The following WDR70 variants were observed in gnomAD, a reference collection of about 807,000 sequenced individuals.
WDR70 encodes WD repeat-containing protein 70.
A neutral mutation model predicts 88.6 loss-of-function variants in WDR70; 53 were observed. The observed-to-expected ratio is 0.60, with a 90% CI of 0.48 to 0.75. The LOEUF (loss-of-function observed/expected upper bound fraction) is 0.75, where lower values mean the gene tolerates loss of function less well. Among genes scored for constraint, WDR70 ranks in the 30% least tolerant of loss-of-function variants. The probability of loss-of-function intolerance (pLI) is 0.00; values close to 1 mark genes in which losing one functional copy is unlikely to be tolerated. For missense variants in WDR70, 610 were observed against 823.2 expected (o/e 0.74, Z 3.17); for synonymous variants, 280 against 270.0 (o/e 1.04, Z -0.36).
chr5:37,510,082 C>G (rs1462827782), intron 8 of WDR70, among the ~76,000 whole-genome samples: 1 of 150,554 alleles, frequency 6.6e-6, no homozygotes, highest in Admixed American at 6.6e-5. Context: ...AACACTCCCC[C>G]CCCCAAAAAA....
intron 6 of WDR70, among the ~76,000 whole-genome samples, chr5:37,439,023 T>C (rs943005420): frequency 4.6e-5 from 7 of 151,740 alleles, no homozygotes; most frequent in African/African-American, 1.7e-4. Flanking sequence ...GTTCATGCCA[T>C]TCTCCTGCCT....
At chr5:37,721,386 A>G in intron 14 of WDR70, 171 bp downstream of exon 14, 1 of 616,542 alleles carries the variant, frequency 1.6e-6, no homozygotes, top group Non-Finnish European at 2.8e-6. Flanking sequence ...TTTAAAAAGG[A>G]TTTGAATATT....
chr5:37,645,470 G>A (rs888798248), intron 10 of WDR70, among the ~76,000 whole-genome samples: 33 of 152,220 alleles, frequency 2.2e-4, no homozygotes, highest in Admixed American at 2.2e-3. Flanking sequence ...AAAATGTTCT[G>A]TAGATACCTG....
chr5:37,662,745 A>AT (rs1745736412), intron 10 of WDR70, among the ~76,000 whole-genome samples: 1 of 152,196 alleles, frequency 6.6e-6, no homozygotes, highest in South Asian at 2.1e-4. Context: ...TTAAAAATAA[A>AT]TGATCCTAAG....
At chr5:37,728,640 T>C (rs1245471725) in intron 17 of WDR70, among the ~76,000 whole-genome samples, 1 of 152,172 alleles carries the variant, frequency 6.6e-6, no homozygotes, top group Non-Finnish European at 1.5e-5. Context: ...GTTGTGTCCT[T>C]CTCAGTGGAT....
chr5:37,683,014 G>A (rs964982682), intron 10 of WDR70, among the ~76,000 whole-genome samples: 1 of 152,168 alleles, frequency 6.6e-6, no homozygotes, highest in Non-Finnish European at 1.5e-5. Flanking sequence ...GTGAATCTGG[G>A]TGCCCCTGTG....
At chr5:37,714,700 G>T (rs1747609649) in intron 13 of WDR70, among the ~76,000 whole-genome samples, 1 of 152,106 alleles carries the variant, frequency 6.6e-6, no homozygotes, top group Non-Finnish European at 1.5e-5. Flanking sequence ...ACCCACCTGG[G>T]TCACTCACCC....
intron 10 of WDR70, among the ~76,000 whole-genome samples, chr5:37,690,463 G>T (rs560829627): frequency 1.8e-4 from 28 of 152,316 alleles, no homozygotes; most frequent in African/African-American, 6.0e-4. Flanking sequence ...AAGAAAGAAA[G>T]ATCGGGTTAA....
intron 9 of WDR70, among the ~76,000 whole-genome samples, chr5:37,561,768 T>C (rs1742512000): frequency 6.6e-6 from 1 of 152,244 alleles, no homozygotes; most frequent in African/African-American, 2.4e-5. Context: ...GACTTACTGC[T>C]TTTTAGTAGT....
At chr5:37,720,297 C>G (rs868569761) in intron 13 of WDR70, among the ~76,000 whole-genome samples, 3 of 152,146 alleles carry the variant, frequency 2.0e-5, no homozygotes, top group Middle Eastern at 3.4e-3. Context: ...TCTATAGAAC[C>G]TAGTACATGG....
intron 10 of WDR70, among the ~76,000 whole-genome samples, chr5:37,607,975 A>C (rs1315125156): frequency 6.6e-6 from 1 of 151,538 alleles, no homozygotes; most frequent in Non-Finnish European, 1.5e-5. Context: ...GGGAGATGAC[A>C]TTGGAGCAGT....
chr5:37,493,558 AGT>A (rs1267074210), intron 8 of WDR70, among the ~76,000 whole-genome samples: 2 of 152,172 alleles, frequency 1.3e-5, no homozygotes, highest in Non-Finnish European at 2.9e-5. Flanking sequence ...AAAATAGTAC[AGT>A]TCTACTAACA....
intron 5 of WDR70, among the ~76,000 whole-genome samples, chr5:37,413,647 G>C (rs566626351): frequency 1.3e-5 from 2 of 151,620 alleles, no homozygotes; most frequent in Non-Finnish European, 2.9e-5. Context: ...TTTTGAACCA[G>C]GGAGGCGGAG....
intron 5 of WDR70, among the ~76,000 whole-genome samples, chr5:37,420,247 G>A (rs960145447): frequency 1.3e-5 from 2 of 152,070 alleles, no homozygotes; most frequent in South Asian, 2.1e-4. Flanking sequence ...ATTCTTAGAA[G>A]CAAGAATCAG....
chr5:37,436,815 T>C (rs187063718), intron 5 of WDR70, among the ~76,000 whole-genome samples: 183 of 150,546 alleles, frequency 1.2e-3, no homozygotes, highest in Non-Finnish European at 2.3e-3. Flanking sequence ...TTTGTTTATA[T>C]GCTGAAGAGA....
chr5:37,575,855 C>A (rs1743034716), intron 9 of WDR70, among the ~76,000 whole-genome samples: 1 of 152,166 alleles, frequency 6.6e-6, no homozygotes, highest in Non-Finnish European at 1.5e-5. Flanking sequence ...GAAATGGGGG[C>A]TGTCTTGTGA....
chr5:37,523,745 G>A (rs191466464), intron 9 of WDR70, among the ~76,000 whole-genome samples: 4 of 152,224 alleles, frequency 2.6e-5, no homozygotes, highest in East Asian at 3.9e-4. Context: ...AAGATTAGAC[G>A]AATGGCTAAC....
chr5:37,543,141 G>T (rs1248860410), intron 9 of WDR70, among the ~76,000 whole-genome samples: 1 of 152,068 alleles, frequency 6.6e-6, no homozygotes, highest in Non-Finnish European at 1.5e-5. Flanking sequence ...CTTATATCCC[G>T]CCAACCCCCA....
At chr5:37,450,625 A>C (rs1738646076) in intron 7 of WDR70, among the ~76,000 whole-genome samples, 1 of 152,224 alleles carries the variant, frequency 6.6e-6, no homozygotes, top group Non-Finnish European at 1.5e-5. Flanking sequence ...AAGAATTGTT[A>C]ATTGTACCTG....
Sources: gnomAD v4.1 joint callset for allele counts (sites outside exome capture counted in the v4.1 genomes callset) on GRCh38, gnomAD v4.1.1 for gene constraint, MANE v1.5 for transcripts, NCBI Gene and HGNC (gene_info 2026-07-23, HGNC 2026-07-21) for gene names.